The following PCDHGA12 variants were observed in gnomAD, a reference collection of about 807,000 sequenced individuals.
PCDHGA12 encodes protocadherin gamma-A12.
PCDHGA12 carries 43 observed loss-of-function variants against 61.1 expected under a neutral mutation model. The observed-to-expected ratio is 0.70, with a 90% CI of 0.55 to 0.91. The LOEUF is 0.91. Ranked by LOEUF, PCDHGA12 falls within the 40% of genes least tolerant of loss-of-function variation. The pLI, the probability that PCDHGA12 is intolerant of heterozygous loss-of-function variation, is 0.00. For synonymous variants in PCDHGA12, 520 were observed against 542.9 expected (o/e 0.96, Z 0.59); for missense variants, 1,236 against 1,227.7 (o/e 1.01, Z -0.10).
At chr5:141,480,910 T>C (rs985100480) in intron 1 of PCDHGA12, among the ~76,000 whole-genome samples, 5 of 152,106 alleles carry the variant, frequency 3.3e-5, no homozygotes, top group Non-Finnish European at 7.4e-5. Flanking sequence ...CTGGGCATGG[T>C]GGCGCATACC....
intron 1 of PCDHGA12, among the ~76,000 whole-genome samples, chr5:141,460,961 A>ATATG (rs1463306338): frequency 3.5e-5 from 5 of 144,556 alleles, no homozygotes; most frequent in African/African-American, 1.3e-4. Flanking sequence ...GTATATATAT[A>ATATG]TGTGTGTGTG....
intron 1 of PCDHGA12, among the ~76,000 whole-genome samples, chr5:141,466,246 A>G (rs1357175003): frequency 6.6e-6 from 1 of 152,100 alleles, no homozygotes; most frequent in Non-Finnish European, 1.5e-5. Flanking sequence ...TCATGGCTCA[A>G]TGCAGCCTTG....
In PCDHGA12 at chr5:141,431,184, T is replaced by G. The variant is rs754537015; in HGVS notation, c.425T>G (p.Ile142Ser). The G allele has an allele frequency of 5.6e-6, 9 of 1,614,090 alleles. No homozygotes were observed. Among genetic ancestry groups the G allele is most frequent in the Non-Finnish European group, 6.8e-6 (8 of 1,180,050 alleles). ...CGTGAAAGTGAATTAGAAATAAAAA[T>G]TAGTGAAAATGCAGCCACTGAGATG... ...YFRESELEIK[I>S]SENAATEMRF... Residue 142 changes from isoleucine to serine, a missense_variant, in exon 1 of 4, where the codon ATT (isoleucine) becomes AGT (serine). Transcript: ENST00000252085. The surrounding 1 kb of genome is among the most constrained non-coding windows in gnomAD (Gnocchi z 4.8).
intron 1 of PCDHGA12, among the ~76,000 whole-genome samples, chr5:141,462,783 T>A (rs1313584666): frequency 6.6e-6 from 1 of 152,236 alleles, no homozygotes; most frequent in Non-Finnish European, 1.5e-5. Flanking sequence ...CATAATTTGT[T>A]GCTTATTTGC....
chr5:141,508,731 A>C (rs1596169554), intron 3 of PCDHGA12, among the ~76,000 whole-genome samples: 6 of 145,538 alleles, frequency 4.1e-5, no homozygotes, highest in African/African-American at 5.1e-5. Context: ...GGGAGACTAC[A>C]CCCCCCACCC....
chr5:141,456,698 C>T (rs1466672057), intron 1 of PCDHGA12, among the ~76,000 whole-genome samples: 1 of 152,132 alleles, frequency 6.6e-6, no homozygotes, highest in Non-Finnish European at 1.5e-5. Flanking sequence ...GGCGTGGTGG[C>T]TCGCGCCTGT....
Position 141,478,120 on chromosome 5 carries a change from G to A in PCDHGA12, c.2425-16687G>A, listed in dbSNP as rs772548778. 3.1e-6 allele frequency: 5 copies of A among 1,613,948 alleles called. No homozygotes were observed. In the Admixed American group the frequency reaches 6.7e-5, roughly 22 times the overall value. ...CTACCCTCACTGTGTCAGTAACCGA[G>A]GACTCTCCTGAAGCCCGAGCCGAGT... On this transcript the variant is annotated intron_variant, in intron 1 of 3. Coordinates refer to ENST00000252085, the MANE Select transcript of PCDHGA12 (RefSeq NM_003735.3).
rs779686795 is a variant in PCDHGA12 at position 141,476,566 on chromosome 5, G to C, written c.2425-18241G>C. The stretch of plus-strand genomic sequence containing the variant: ...TGGAGATTAGCGAGGCCGTGGCTCC[G>C]GGGACGCGCTTTCCGCTCGAGAGCG... On this transcript the variant is annotated intron_variant, in intron 1 of 3. Transcript: ENST00000252085. This position sits in a 1 kb window ranked among gnomAD's most constrained non-coding sequence, Gnocchi z 7.6. 1.2e-6 allele frequency: 2 copies of C among 1,614,180 alleles called. No homozygotes were observed. The highest frequency in any genetic ancestry group is 1.7e-5 in the Admixed American group (1 of 60,030).
Position 141,485,468 on chromosome 5 carries a change from A to G in PCDHGA12, c.2425-9339A>G. On this transcript the variant is annotated intron_variant, in intron 1 of 3. Coordinates refer to ENST00000252085, the MANE Select transcript of PCDHGA12 (RefSeq NM_003735.3). This position sits in a 1 kb window ranked among gnomAD's most constrained non-coding sequence, Gnocchi z 5.7. The stretch of plus-strand genomic sequence containing the variant: ...CGACCGAGAGGCACTGTGTGGGCTC[A>G]GTGCCAGCTGCATCGTGCCCCTGGA... 1 of 1,614,166 alleles carries G rather than the reference A, an allele frequency of 6.2e-7. No homozygotes were observed. Among genetic ancestry groups the G allele is most frequent in the Non-Finnish European group, 8.5e-7 (1 of 1,180,020 alleles).
rs1210691847 is a variant in PCDHGA12, at chr5:141,432,985, C to T, written c.2226C>T (p.Gly742=). The part of the protein sequence containing the change: ...LTGAPASHFV[G]VDGVQAFLQT... The stretch of plus-strand genomic sequence containing the variant: ...GAGCGCCGGCGTCGCACTTTGTGGG[C>T]GTGGACGGGGTGCAGGCTTTCCTGC... Residue 742 remains glycine, a synonymous_variant, in exon 1 of 4, where the codon GGC becomes GGT. Transcript: ENST00000252085. The surrounding 1 kb of genome is among the most constrained non-coding windows in gnomAD (Gnocchi z 6.0). The T allele has an allele frequency of 3.1e-6, 5 of 1,614,176 alleles. No individual in the cohort carries two copies. The highest frequency in any genetic ancestry group is 4.2e-6 in the Non-Finnish European group (5 of 1,180,034).
intron 1 of PCDHGA12, among the ~76,000 whole-genome samples, chr5:141,449,588 C>CA (rs768743917): frequency 0.036 from 2,064 of 56,756 alleles, 20 homozygotes; most frequent in Middle Eastern, 0.06. Context: ...GACTCTGTCT[C>CA]AAAAAAAAAA....
rs1488446232 is a variant in PCDHGA12, at chr5:141,493,171, A to G, written c.2425-1636A>G. On this transcript the variant is annotated intron_variant, in intron 1 of 3. Coordinates refer to ENST00000252085, the MANE Select transcript of PCDHGA12 (RefSeq NM_003735.3). This position sits in a 1 kb window ranked among gnomAD's most constrained non-coding sequence, Gnocchi z 4.3. ...GGTGATTTTGATAGCTGATTGAGAG[A>G]AACTTACTATATAACTCCTTTGAGA... is the stretch of plus-strand genomic sequence containing the variant. 6.6e-6 allele frequency among the ~76,000 whole-genome samples: 1 copy of G among 152,214 alleles called. No homozygotes were observed. The highest frequency in any genetic ancestry group is 1.5e-5 in the Non-Finnish European group (1 of 68,034).
In PCDHGA12 at chr5:141,477,602, C is replaced by G. The variant is rs772296229; in HGVS notation, c.2425-17205C>G. ...GCAGAATGCTCGGCTTTCTTTCTTT[C>G]TCTTGGAGCAAGGAGCTGAAACCGG... On this transcript the variant is annotated intron_variant, in intron 1 of 3. Coordinates refer to ENST00000252085, the MANE Select transcript of PCDHGA12 (RefSeq NM_003735.3). This position sits in a 1 kb window ranked among gnomAD's most constrained non-coding sequence, Gnocchi z 4.9. 6.2e-7 allele frequency: 1 copy of G among 1,614,098 alleles called. No homozygotes were observed. Among genetic ancestry groups the G allele is most frequent in the East Asian group, 2.2e-5 (1 of 44,898 alleles).
chr5:141,485,661 G>A lies in PCDHGA12; in HGVS notation c.2425-9146G>A. On this transcript the variant is annotated intron_variant, in intron 1 of 3. Transcript: ENST00000252085. This position sits in a 1 kb window ranked among gnomAD's most constrained non-coding sequence, Gnocchi z 5.7. ...GAAAAGGCTCAGGATGCAGATGTGGGGAGCAATTCGATTAGCAGCTATAGG... is the reference window on the plus strand; with the variant it reads ...GAAAAGGCTCAGGATGCAGATGTGGAGAGCAATTCGATTAGCAGCTATAGG... 2 of 1,612,678 alleles carry A rather than the reference G, an allele frequency of 1.2e-6. No individual in the cohort carries two copies. Among genetic ancestry groups the A allele is most frequent in the Non-Finnish European group, 1.7e-6 (2 of 1,178,884 alleles).
intron 1 of PCDHGA12, among the ~76,000 whole-genome samples, chr5:141,454,379 T>A (rs770736083): frequency 1.2e-3 from 179 of 152,316 alleles, no homozygotes; most frequent in Non-Finnish European, 2.1e-3. Flanking sequence ...TGGCAACTTG[T>A]CAAGATGAAG....
At chr5:141,463,803 A>G (rs975202568) in intron 1 of PCDHGA12, among the ~76,000 whole-genome samples, 1 of 152,150 alleles carries the variant, frequency 6.6e-6, no homozygotes, top group Non-Finnish European at 1.5e-5. Flanking sequence ...AATGTCTAAA[A>G]GCTTTTATCA....
intron 2 of PCDHGA12, among the ~76,000 whole-genome samples, chr5:141,503,963 C>T (rs900066192): frequency 7.2e-5 from 11 of 152,188 alleles, no homozygotes; most frequent in Admixed American, 6.5e-4. Flanking sequence ...ACAGCCTTTC[C>T]CATGGTGCCA....
In PCDHGA12 at chr5:141,472,816, G is replaced by A. The variant is rs1186234004; in HGVS notation, c.2425-21991G>A. On this transcript the variant is annotated intron_variant, in intron 1 of 3. Transcript: ENST00000252085. ...GCCTGACCAACATGGAGAAACCCCC[G>A]TCTCTACTAAAAATAGAAAATTAGC... 4.6e-5 allele frequency among the ~76,000 whole-genome samples: 7 copies of A among 151,374 alleles called. No individual in the cohort carries two copies. In the South Asian group the frequency reaches 6.2e-4, roughly 14 times the overall value.
At chr5:141,478,133 G>T (rs769287158) in intron 1 of PCDHGA12, 1 of 1,614,060 alleles carries the variant, frequency 6.2e-7, no homozygotes, top group Non-Finnish European at 8.5e-7. Flanking sequence ...CTCTCCTGAA[G>T]CCCGAGCCGA....
Sources: allele counts gnomAD v4.1 joint callset (sites outside exome capture counted in the v4.1 genomes callset), GRCh38; gene constraint gnomAD v4.1.1; non-coding constraint Gnocchi (gnomAD v3.1); transcripts MANE v1.5; gene names NCBI Gene and HGNC (gene_info 2026-07-23, HGNC 2026-07-21).